Variants in OSMR observed in about 807,000 individuals in gnomAD.
OSMR encodes oncostatin M receptor, also known as oncostatin-M-specific receptor subunit beta.
OSMR carries 81 observed loss-of-function variants against 99.9 expected under a neutral mutation model. The ratio of observed to expected loss-of-function variants is 0.81; its 90% CI spans 0.68 to 0.97. OSMR has a LOEUF of 0.97. Ranked by LOEUF, OSMR falls within the 50% of genes least tolerant of loss-of-function variation. The pLI is 0.00. For missense variants in OSMR, 1,099 were observed against 1,153.4 expected (o/e 0.95, Z 0.68); for synonymous variants, 406 against 410.4 (o/e 0.99, Z 0.13).
chr5:38,945,324 C>T, downstream of OSMR: 3 of 621,508 alleles, frequency 4.8e-6, no homozygotes, highest in South Asian at 6.1e-5. Context: ...TGACCTGGAA[C>T]CGTGAGAGGA....
intron 3 of OSMR, among the ~76,000 whole-genome samples, chr5:38,879,524 A>G (rs115951288): frequency 6.6e-6 from 1 of 152,108 alleles, no homozygotes; most frequent in Non-Finnish European, 1.5e-5. Context: ...AAGGGAGGTA[A>G]AGTTCAGTCT....
At position 38,925,344 on chromosome 5, in the gene OSMR, A is replaced by G. The variant is rs1280503624; in HGVS notation, c.2185A>G (p.Thr729Ala). Reference protein sequence around the residue: ...SAGEGPSATFTKVTTPDEHSS... With the variant: ...SAGEGPSATFAKVTTPDEHSS... The stretch of plus-strand genomic sequence containing the variant: ...TGGTGAAGGCCCCAGTGCTACGTTC[A>G]CGAAGGTCACGACTCCGGATGAACA... Residue 729 changes from threonine (T) to alanine (A), a missense_variant, in exon 15 of 18, where the codon ACG becomes GCG. Transcript: ENST00000274276. 6.2e-7 allele frequency: 1 copy of G among 1,614,106 alleles called. No individual in the cohort carries two copies. The highest frequency in any genetic ancestry group is 8.5e-7 in the Non-Finnish European group (1 of 1,179,968).
At chr5:38,862,227 G>T (rs1414510248) in intron 1 of OSMR, among the ~76,000 whole-genome samples, 1 of 113,226 alleles carries the variant, frequency 8.8e-6, no homozygotes, top group Non-Finnish European at 1.8e-5. Flanking sequence ...CGGACGGGGC[G>T]GCTGGCTGGG....
At chr5:38,853,483 A>T (rs891793957) in intron 1 of OSMR, among the ~76,000 whole-genome samples, 2 of 151,970 alleles carry the variant, frequency 1.3e-5, no homozygotes, top group East Asian at 3.9e-4. Context: ...ATTTTATGTC[A>T]GAGTCCATGG....
chr5:38,861,106 T>G (rs1741253264), intron 1 of OSMR, among the ~76,000 whole-genome samples: 2 of 151,714 alleles, frequency 1.3e-5, no homozygotes, highest in Non-Finnish European at 2.9e-5. Flanking sequence ...ATGATTTTGG[T>G]TTTTATTTTT....
chr5:38,925,251 G>T lies in OSMR; in HGVS notation c.2092G>T (p.Ala698Ser). The change falls in exon 15 of 18, where the codon GCA becomes TCA. Residue 698 changes from alanine (A) to serine (S), a missense_variant. Coordinates refer to ENST00000274276, the MANE Select transcript of OSMR (RefSeq NM_003999.3). ...KYKIDNPEEK[A>S]LIVDNLKPES... The stretch of plus-strand genomic sequence containing the variant: ...CAAAATTGACAACCCGGAAGAAAAG[G>T]CATTGATTGTGGACAACCTAAAGCC... 1 of 1,613,886 alleles carries T rather than the reference G, an allele frequency of 6.2e-7. No homozygotes were observed.
intron 7 of OSMR, among the ~76,000 whole-genome samples, chr5:38,895,183 G>A (rs1202181747): frequency 6.6e-6 from 1 of 151,862 alleles, no homozygotes; most frequent in African/African-American, 2.4e-5. Flanking sequence ...ATCACACCTA[G>A]AGAAACTAGA....
rs1468371721 is a variant in OSMR at position 38,933,221 on chromosome 5, G to T, written c.2717G>T (p.Gly906Val). Reference protein sequence around the residue: ...ALEKNYMNSLGEIPAGETSLN... With the variant: ...ALEKNYMNSLVEIPAGETSLN... The stretch of plus-strand genomic sequence containing the variant: ...GAAAAAAACTACATGAACTCCCTGG[G>T]AGAAATCCCAGCTGGAGAAACAAGT... Residue 906 changes from glycine (G) to valine (V), a missense_variant, in exon 18 of 18, where the codon GGA becomes GTA. Physicochemically the swap from Gly to Val is moderately radical, Grantham distance 109. Coordinates refer to ENST00000274276, the MANE Select transcript of OSMR (RefSeq NM_003999.3). 1 of 1,614,126 alleles carries T rather than the reference G, an allele frequency of 6.2e-7. No individual in the cohort carries two copies. The highest frequency in any genetic ancestry group is 1.1e-5 in the South Asian group (1 of 91,070).
At chr5:38,937,151 G>A (rs976174548), downstream of OSMR, among the ~76,000 whole-genome samples, 21 of 152,102 alleles carry the variant, frequency 1.4e-4, no homozygotes, top group Middle Eastern at 3.4e-3. This position sits in a 1 kb window ranked among gnomAD's most constrained non-coding sequence, Gnocchi z 4.0. Flanking sequence ...TCCCTGCCTC[G>A]GCCTCCCTGT....
At chr5:38,931,823 A>C (rs765440524) in intron 15 of OSMR, 60 bp from the exon 16 acceptor site, 177 of 1,579,826 alleles carry the variant, frequency 1.1e-4, no homozygotes, top group Non-Finnish European at 1.5e-4. Flanking sequence ...ACTTGTATTT[A>C]TTCCTTTGAG....
intron 1 of OSMR, among the ~76,000 whole-genome samples, chr5:38,866,325 A>G (rs1190050080): frequency 6.6e-6 from 1 of 152,082 alleles, no homozygotes; most frequent in Non-Finnish European, 1.5e-5. Context: ...GGTGGGGTGG[A>G]CTGGTCCCCA....
At chr5:38,915,175 G>T (rs547956949) in intron 9 of OSMR, among the ~76,000 whole-genome samples, 1 of 152,326 alleles carries the variant, frequency 6.6e-6, no homozygotes, top group South Asian at 2.1e-4. Flanking sequence ...ATAATAGCAT[G>T]CACAAAGAAG....
At chr5:38,924,112 CT>C (rs971346246) in intron 13 of OSMR, among the ~76,000 whole-genome samples, 2 of 152,012 alleles carry the variant, frequency 1.3e-5, no homozygotes, top group African/African-American at 4.8e-5. Context: ...ATTAAGTCTC[CT>C]TTTTTTTAGA....
intron 1 of OSMR, among the ~76,000 whole-genome samples, chr5:38,862,061 C>G (rs1741421200): frequency 9.1e-6 from 1 of 109,720 alleles, no homozygotes; most frequent in Non-Finnish European, 1.9e-5. Flanking sequence ...CAGAGGCGCC[C>G]CTCACCTCCC....
intron 9 of OSMR, among the ~76,000 whole-genome samples, chr5:38,913,277 C>G (rs544524842): frequency 7.9e-5 from 12 of 152,032 alleles, no homozygotes; most frequent in Non-Finnish European, 1.0e-4. Context: ...GGGCCAGGCG[C>G]GGTGGCTCAT....
intron 7 of OSMR, among the ~76,000 whole-genome samples, chr5:38,889,178 T>C (rs1743990536): frequency 6.6e-6 from 1 of 152,140 alleles, no homozygotes; most frequent in Admixed American, 6.5e-5. Flanking sequence ...ATATGGTACA[T>C]TCTTTCAATA....
At chr5:38,927,470 A>G (rs1746521968) in intron 15 of OSMR, among the ~76,000 whole-genome samples, 1 of 152,232 alleles carries the variant, frequency 6.6e-6, no homozygotes, top group Non-Finnish European at 1.5e-5. Context: ...CAGGCTCAAC[A>G]TCACATGGAA....
chr5:38,907,922 G>A (rs145235068), intron 9 of OSMR, among the ~76,000 whole-genome samples: 1 of 152,270 alleles, frequency 6.6e-6, no homozygotes, highest in Non-Finnish European at 1.5e-5. Context: ...AGCACAACGT[G>A]TGGCCCTGCC....
intron 1 of OSMR, among the ~76,000 whole-genome samples, chr5:38,855,099 C>A (rs927744849): frequency 6.6e-6 from 1 of 152,156 alleles, no homozygotes; most frequent in African/African-American, 2.4e-5. Flanking sequence ...AGGGGCTGTG[C>A]AGATTGCTCA....
Sources: allele counts gnomAD v4.1 joint callset (sites outside exome capture counted in the v4.1 genomes callset), GRCh38; gene constraint gnomAD v4.1.1; non-coding constraint Gnocchi (gnomAD v3.1); transcripts MANE v1.5; gene names NCBI Gene and HGNC (gene_info 2026-07-23, HGNC 2026-07-21).